VPS13B: variants seen among roughly 807,000 people sequenced by gnomAD.
The protein encoded by VPS13B is intermembrane lipid transfer protein VPS13B.
A neutral mutation model predicts 426.4 loss-of-function variants in VPS13B; 285 were observed. The ratio of observed to expected loss-of-function variants is 0.67; its 90% CI spans 0.61 to 0.74. The LOEUF (loss-of-function observed/expected upper bound fraction) is 0.74, where lower values mean the gene tolerates loss of function less well. Ranked by LOEUF, VPS13B falls within the 30% of genes least tolerant of loss-of-function variation. The pLI is 0.00. For synonymous variants in VPS13B, 1,676 were observed against 1,676.4 expected (o/e 1.00, Z 0.01); for missense variants, 4,537 against 4,782.6 (o/e 0.95, Z 1.51).
chr8:99,478,447 G>GTTTTGTTTTTTTTTTTTGTTT (rs1819822769), intron 24 of VPS13B, among the ~76,000 whole-genome samples: 1 of 85,778 alleles, frequency 1.2e-5, no homozygotes. Context: ...TTTTTGTTTT[G>GTTTTGTTTTTTTTTTTTGTTT]TTTTTTTTTT....
In VPS13B at chr8:99,778,930, G is replaced by A. The variant is rs111751379; in HGVS notation, c.7678G>A (p.Glu2560Lys). Residue 2560 changes from glutamate to lysine, a missense_variant, in exon 42 of 62, where the codon GAA becomes AAA. Coordinates refer to ENST00000357162, the MANE Select transcript of VPS13B (RefSeq NM_152564.5). ...GATGGCAGTTTCCAGCGATGTAGTG[G>A]AAAAGCTGCTTGACTGCACCGTGAT... ...GQMAVSSDVVEKLLDCTVIVD... is the reference protein window; with the variant it reads ...GQMAVSSDVVKKLLDCTVIVD... 7,253 of 1,613,934 alleles carry A rather than the reference G, an allele frequency of 4.5e-3. 27 individuals are homozygous for A. The highest frequency in any genetic ancestry group is 5.5e-3 in the Non-Finnish European group (6,472 of 1,179,894).
intron 16 of VPS13B, among the ~76,000 whole-genome samples, chr8:99,189,080 T>C (rs1030735720): frequency 2.0e-5 from 3 of 152,096 alleles, no homozygotes; most frequent in Non-Finnish European, 2.9e-5. Context: ...TTTGTATTTT[T>C]AGTAGAGAGG....
intron 57 of VPS13B, among the ~76,000 whole-genome samples, chr8:99,859,981 C>T (rs140730595): frequency 2.0e-5 from 3 of 152,288 alleles, no homozygotes; most frequent in East Asian, 1.9e-4. Context: ...GACAGGTCAT[C>T]GGGCATGGAG....
In VPS13B at chr8:99,819,487, C is replaced by T. The variant is rs375911218; in HGVS notation, c.8697C>T (p.His2899=). Residue 2899 remains histidine (H), a synonymous_variant, in exon 48 of 62, where the codon CAC becomes CAT. Transcript: ENST00000357162. ...TTAAGCAAATAGCCACTAAGGTACA[C>T]CCTGGAGGCACAGTTAATCAGATCC... ...SLIKQIATKV[H]PGGTVNQILD... The T allele has an allele frequency of 4.3e-6, 7 of 1,613,880 alleles. No homozygotes were observed. The South Asian group carries it at 4.4e-5, about 10-fold the overall frequency.
intron 23 of VPS13B, among the ~76,000 whole-genome samples, chr8:99,459,502 C>G (rs1818717014): frequency 6.6e-6 from 1 of 152,124 alleles, no homozygotes; most frequent in Non-Finnish European, 1.5e-5. Context: ...ATAACATAGC[C>G]TACTCTACAT....
At chr8:99,680,053 T>C (rs779908426) in intron 35 of VPS13B, among the ~76,000 whole-genome samples, 1 of 152,180 alleles carries the variant, frequency 6.6e-6, no homozygotes, top group Non-Finnish European at 1.5e-5. Context: ...TTCTTGTAAG[T>C]CTTGCTTGTC....
At chr8:99,831,348 G>A (rs1223737147) in intron 51 of VPS13B, among the ~76,000 whole-genome samples, 1 of 152,120 alleles carries the variant, frequency 6.6e-6, no homozygotes, top group Admixed American at 6.5e-5. Flanking sequence ...TAGGATTACA[G>A]ACATGAGCCA....
Position 99,868,676 on chromosome 8 carries a change from G to A in VPS13B, c.11392+211G>A, listed in dbSNP as rs12548344. ...AGTTACTAGTTTCAGTCTATATGTC[G>A]TAGAATCTTTTTACAGTACACTTGA... is the stretch of plus-strand genomic sequence containing the variant. On this transcript the variant is annotated intron_variant, in intron 59 of 61. Coordinates refer to ENST00000357162, the MANE Select transcript of VPS13B (RefSeq NM_152564.5). 0.23 allele frequency among the ~76,000 whole-genome samples: 35,513 copies of A among 152,138 alleles called. 5,254 individuals carry two copies. Among genetic ancestry groups the A allele is most frequent in the African/African-American group, 0.42 (17,409 of 41,470 alleles).
intron 55 of VPS13B, 140 bp from the exon 56 acceptor site, chr8:99,853,311 A>T: frequency 1.2e-6 from 1 of 831,234 alleles, no homozygotes; most frequent in Admixed American, 2.5e-5. Context: ...ATGTACTGAA[A>T]GTTGAGTTCT....
At position 99,534,691 on chromosome 8, in the gene VPS13B, A is replaced by C. The variant is rs117216453; in HGVS notation, c.4745+13681A>C. Among the ~76,000 whole-genome samples, 326 of 152,264 alleles carry C rather than the reference A, an allele frequency of 2.1e-3. 2 individuals carry two copies. The highest frequency in any genetic ancestry group is 2.8e-3 in the Non-Finnish European group (193 of 67,986). ...ACATCTTTGGGACTTCTGGAATATG[A>C]TGGCTGTTCACCATAACCACCAACA... is the stretch of plus-strand genomic sequence containing the variant. On this transcript the variant is annotated intron_variant, in intron 30 of 61. Coordinates refer to ENST00000357162, the MANE Select transcript of VPS13B (RefSeq NM_152564.5).
At position 99,875,123 on chromosome 8, in the gene VPS13B, G is replaced by GGTGA. The variant is rs1817634101; in HGVS notation, c.11746-292_11746-289dup. 2.4e-5 allele frequency: 10 copies of GGTGA among 425,134 alleles called. No individual in the cohort carries two copies. In the Admixed American group the frequency reaches 3.7e-4, roughly 16 times the overall value. 26.3% of individuals were successfully genotyped at this position (425,134 alleles called of 1,614,324 possible). ...AAAGAACAATGACAGATGTTTTAAT[G>GGTGA]GTGAGTAGAATGTTATCAAATCGTC... is the stretch of plus-strand genomic sequence containing the variant. On this transcript the variant is annotated intron_variant, in intron 61 of 61. Transcript: ENST00000357162.
intron 4 of VPS13B, among the ~76,000 whole-genome samples, chr8:99,096,819 A>G (rs892619942): frequency 6.6e-6 from 1 of 152,020 alleles, no homozygotes; most frequent in Non-Finnish European, 1.5e-5. Context: ...TTTTAGTATC[A>G]TAAAACTTTT....
At chr8:99,594,047 C>T (rs1826859442) in intron 33 of VPS13B, among the ~76,000 whole-genome samples, 1 of 151,832 alleles carries the variant, frequency 6.6e-6, no homozygotes, top group African/African-American at 2.4e-5. Flanking sequence ...CAAACCTGCA[C>T]ATCCTGCACA....
At chr8:99,193,806 G>T (rs547721929) in intron 17 of VPS13B, among the ~76,000 whole-genome samples, 11 of 152,018 alleles carry the variant, frequency 7.2e-5, no homozygotes, top group South Asian at 6.2e-4. Flanking sequence ...TTCTTATTTG[G>T]CCTAGCCATT....
At chr8:99,816,903 A>C (rs980721966) in intron 44 of VPS13B, among the ~76,000 whole-genome samples, 1 of 152,206 alleles carries the variant, frequency 6.6e-6, no homozygotes, top group Non-Finnish European at 1.5e-5. Context: ...CTTACTAGAT[A>C]AGAGTGAAAT....
At chr8:99,853,060 C>T (rs1816373896) in intron 55 of VPS13B, among the ~76,000 whole-genome samples, 1 of 152,090 alleles carries the variant, frequency 6.6e-6, no homozygotes, top group Admixed American at 6.5e-5. Flanking sequence ...GCAGGAATTC[C>T]TGCTAAGTTT....
intron 16 of VPS13B, among the ~76,000 whole-genome samples, chr8:99,178,699 G>A (rs1812774671): frequency 6.6e-6 from 1 of 151,932 alleles, no homozygotes; most frequent in Admixed American, 6.6e-5. Flanking sequence ...TCGACTCACT[G>A]CAACCTCTAT....
intron 22 of VPS13B, among the ~76,000 whole-genome samples, chr8:99,441,903 T>A (rs1227137498): frequency 6.6e-6 from 1 of 152,162 alleles, no homozygotes; most frequent in African/African-American, 2.4e-5. Context: ...GTATGTGATA[T>A]AAACATGTTC....
intron 19 of VPS13B, among the ~76,000 whole-genome samples, chr8:99,310,588 C>T (rs1354959570): frequency 1.3e-5 from 2 of 152,132 alleles, no homozygotes; most frequent in Admixed American, 1.3e-4. Flanking sequence ...ATTCGGTTTG[C>T]CAGTATTTTA....
Sources: gnomAD v4.1 joint callset for allele counts (sites outside exome capture counted in the v4.1 genomes callset) on GRCh38, gnomAD v4.1.1 for gene constraint, MANE v1.5 for transcripts, NCBI Gene and HGNC (gene_info 2026-07-23, HGNC 2026-07-21) for gene names.